The following IMMP2L variants were observed in gnomAD, a reference collection of about 807,000 sequenced individuals.
IMMP2L encodes the protein mitochondrial inner membrane protease subunit 2.
IMMP2L carries 18 observed loss-of-function variants against 19.3 expected under a neutral mutation model. The ratio of observed to expected loss-of-function variants is 0.93; its 90% CI spans 0.64 to 1.38. The LOEUF (loss-of-function observed/expected upper bound fraction) is 1.38, where lower values mean the gene tolerates loss of function less well. Among genes scored for constraint, IMMP2L ranks in the 40% most tolerant of loss-of-function variants. The pLI, the probability that IMMP2L is intolerant of heterozygous loss-of-function variation, is 0.00. For missense variants in IMMP2L, 233 were observed against 218.2 expected, an observed-to-expected ratio of 1.07 and a Z score of -0.43; for synonymous variants, 76 against 73.0, an observed-to-expected ratio of 1.04 and a Z score of -0.21.
At chr7:111,098,949 C>G (rs1281809875) in intron 3 of IMMP2L, among the ~76,000 whole-genome samples, 2 of 151,724 alleles carry the variant, frequency 1.3e-5, no homozygotes, top group Non-Finnish European at 3.0e-5. Context: ...ATGCATTCTG[C>G]TCATACTAGA....
intron 3 of IMMP2L, among the ~76,000 whole-genome samples, chr7:111,143,562 C>A (rs1467076046): frequency 6.6e-6 from 1 of 152,114 alleles, no homozygotes; most frequent in Non-Finnish European, 1.5e-5. Context: ...ATATTTATTT[C>A]TTAGCAATCC....
At chr7:110,730,539 T>G (rs1409282894) in intron 5 of IMMP2L, among the ~76,000 whole-genome samples, 1 of 151,712 alleles carries the variant, frequency 6.6e-6, no homozygotes, top group Admixed American at 6.6e-5. Context: ...TTTCTTTTTT[T>G]TTTTTTTGAG....
At chr7:110,910,953 G>A (rs1812999035) in intron 4 of IMMP2L, among the ~76,000 whole-genome samples, 1 of 152,032 alleles carries the variant, frequency 6.6e-6, no homozygotes, top group South Asian at 2.1e-4. Context: ...ATTGAACAGA[G>A]AATGTAGCAA....
intron 3 of IMMP2L, among the ~76,000 whole-genome samples, chr7:111,106,957 T>C (rs1001278889): frequency 6.6e-6 from 1 of 151,964 alleles, no homozygotes; most frequent in East Asian, 1.9e-4. Context: ...ATGTTATGCA[T>C]GTATTCAATC....
At chr7:110,912,093 G>C (rs1471870513) in intron 4 of IMMP2L, among the ~76,000 whole-genome samples, 1 of 151,810 alleles carries the variant, frequency 6.6e-6, no homozygotes, top group Non-Finnish European at 1.5e-5. Flanking sequence ...TGTCAAAGGA[G>C]AAACAAATAA....
chr7:111,459,685 T>C (rs1839973635), intron 3 of IMMP2L, among the ~76,000 whole-genome samples: 1 of 152,144 alleles, frequency 6.6e-6, no homozygotes, highest in South Asian at 2.1e-4. Flanking sequence ...GCAACCTAAA[T>C]GACAGGCAAA....
chr7:110,730,387 A>G (rs980526363), intron 5 of IMMP2L, among the ~76,000 whole-genome samples: 4 of 152,324 alleles, frequency 2.6e-5, no homozygotes, highest in African/African-American at 7.2e-5. Context: ...CAGACTCCAC[A>G]TTCTTCAGCT....
chr7:111,200,976 T>C lies in IMMP2L; in HGVS notation c.240-237411A>G, dbSNP rs971173441. Among the ~76,000 whole-genome samples the C allele has an allele frequency of 1.3e-4, 20 of 152,312 alleles. No individual in the cohort carries two copies. In the South Asian group the frequency reaches 2.9e-3, roughly 22 times the overall value. On this transcript the variant is annotated intron_variant, in intron 3 of 5. Coordinates refer to ENST00000405709, the MANE Select transcript of IMMP2L (RefSeq NM_032549.4). ...CTATAGTGAAAAACCAAAGAGCTTT[T>C]CCTTGTGGAAAATTCTTTTGGAAAA... is the stretch of plus-strand genomic sequence containing the variant.
chr7:110,922,226 GAGA>G (rs1814372282), intron 4 of IMMP2L, among the ~76,000 whole-genome samples: 2 of 152,262 alleles, frequency 1.3e-5, no homozygotes, highest in Admixed American at 6.5e-5. Context: ...TAGTGGTCTG[GAGA>G]AAATGTATAT....
intron 3 of IMMP2L, among the ~76,000 whole-genome samples, chr7:111,025,135 T>C (rs542002108): frequency 1.3e-4 from 20 of 152,282 alleles, no homozygotes; most frequent in Non-Finnish European, 2.2e-4. Flanking sequence ...GTTATACCAC[T>C]TCTTAGCTTC....
chr7:111,091,458 CACGCAAGG>C (rs890376725), intron 3 of IMMP2L: 4 of 152,176 alleles, frequency 2.6e-5, no homozygotes, highest in African/African-American at 9.7e-5. Context: ...AGGAATCCAG[CACGCAAGG>C]ACATCGGAGG....
At chr7:110,677,224 A>G (rs1792370976) in intron 5 of IMMP2L, among the ~76,000 whole-genome samples, 1 of 152,108 alleles carries the variant, frequency 6.6e-6, no homozygotes, top group Non-Finnish European at 1.5e-5. Flanking sequence ...AAACAGATGC[A>G]TGGTTTAAGT....
At chr7:111,110,339 T>C (rs1397413094) in intron 3 of IMMP2L, among the ~76,000 whole-genome samples, 1 of 152,178 alleles carries the variant, frequency 6.6e-6, no homozygotes, top group East Asian at 1.9e-4. Flanking sequence ...CAAGTCCATA[T>C]TCATTATTAT....
intron 5 of IMMP2L, among the ~76,000 whole-genome samples, chr7:110,769,175 G>A (rs1306190915): frequency 6.6e-6 from 1 of 152,098 alleles, no homozygotes. Flanking sequence ...TTGAATGCTA[G>A]TGCTCTTTCC....
At chr7:111,182,434 C>A (rs568131391) in intron 3 of IMMP2L, among the ~76,000 whole-genome samples, 1 of 151,902 alleles carries the variant, frequency 6.6e-6, no homozygotes, top group South Asian at 2.1e-4. Context: ...TCCCCGAAAA[C>A]TCCATGATGC....
intron 3 of IMMP2L, among the ~76,000 whole-genome samples, chr7:111,146,060 A>G (rs1213364638): frequency 6.6e-6 from 1 of 152,128 alleles, no homozygotes; most frequent in Non-Finnish European, 1.5e-5. Context: ...ATGAATTCAG[A>G]GGAATATAAA....
intron 4 of IMMP2L, among the ~76,000 whole-genome samples, chr7:110,901,831 T>C (rs539675211): frequency 1.3e-5 from 2 of 152,282 alleles, no homozygotes; most frequent in East Asian, 3.9e-4. Flanking sequence ...AGATTCTGAT[T>C]ACAAACTAAA....
At chr7:110,669,428 G>A (rs944136880) in intron 5 of IMMP2L, among the ~76,000 whole-genome samples, 3 of 152,118 alleles carry the variant, frequency 2.0e-5, no homozygotes, top group African/African-American at 7.2e-5. Flanking sequence ...ACTGAAAGTC[G>A]ATCAATTTAA....
chr7:111,531,697 T>C (rs1248401073), intron 1 of IMMP2L, among the ~76,000 whole-genome samples: 3 of 152,182 alleles, frequency 2.0e-5, no homozygotes, highest in Non-Finnish European at 4.4e-5. Flanking sequence ...GCATAACTGC[T>C]ATCATTAAGT....
Sources: gnomAD v4.1 joint callset for allele counts (sites outside exome capture counted in the v4.1 genomes callset) on GRCh38, gnomAD v4.1.1 for gene constraint, MANE v1.5 for transcripts, NCBI Gene and HGNC (gene_info 2026-07-23, HGNC 2026-07-21) for gene names.